The following MYO1B variants were observed in gnomAD, a reference collection of about 807,000 sequenced individuals.
The protein encoded by MYO1B is unconventional myosin-Ib.
In MYO1B, 72 loss-of-function variants were observed where a neutral mutation model predicts 159.7. That is an observed-to-expected ratio of 0.45 (90% CI 0.37 to 0.55). MYO1B has a LOEUF of 0.55. Ranked by LOEUF, MYO1B falls within the 20% of genes least tolerant of loss-of-function variation. The probability of loss-of-function intolerance (pLI) is 0.00; values close to 1 mark genes in which losing one functional copy is unlikely to be tolerated. For missense variants in MYO1B, 1,062 were observed against 1,364.8 expected (o/e 0.78, Z 3.50); for synonymous variants, 468 against 473.8 (o/e 0.99, Z 0.16).
At chr2:191,299,838 A>T (rs1043419092) in intron 3 of MYO1B, among the ~76,000 whole-genome samples, 2 of 152,230 alleles carry the variant, frequency 1.3e-5, no homozygotes, top group African/African-American at 4.8e-5. Flanking sequence ...TGTGAGGGCC[A>T]AATATGTAGT....
chr2:191,246,915 C>G (rs923185325), intron 1 of MYO1B, among the ~76,000 whole-genome samples: 2 of 152,184 alleles, frequency 1.3e-5, no homozygotes, highest in East Asian at 3.9e-4. Flanking sequence ...TCTGTGCTTT[C>G]ACTCTCTGTG....
intron 21 of MYO1B, among the ~76,000 whole-genome samples, chr2:191,398,373 A>G: frequency 9.0e-6 from 1 of 110,910 alleles, no homozygotes; most frequent in Non-Finnish European, 2.1e-5. Flanking sequence ...GCGGCTGGGC[A>G]GAGGAGCCCC....
intron 2 of MYO1B, among the ~76,000 whole-genome samples, chr2:191,292,640 A>G (rs1280728808): frequency 6.6e-6 from 1 of 151,680 alleles, no homozygotes; most frequent in African/African-American, 2.4e-5. Context: ...CTGGAGAGGT[A>G]TAATGAGGCA....
At chr2:191,352,421 C>T (rs904775029) in intron 7 of MYO1B, among the ~76,000 whole-genome samples, 14 of 151,962 alleles carry the variant, frequency 9.2e-5, no homozygotes, top group Admixed American at 5.2e-4. Flanking sequence ...CAATATTACT[C>T]GAGGATTTTA....
At position 191,336,322 on chromosome 2, in the gene MYO1B, G is replaced by C. The variant is rs558647296; in HGVS notation, c.347-5139G>C. On this transcript the variant is annotated intron_variant, in intron 4 of 30. Coordinates refer to ENST00000392318, the MANE Select transcript of MYO1B (RefSeq NM_001130158.3). ...GTGGTTCTCCAACTGGACAGTGACA[G>C]AGATGCCACTGACTTACTGTAGCCT... Among the ~76,000 whole-genome samples, 3 of 151,738 alleles carry C rather than the reference G, an allele frequency of 2.0e-5. No individual in the cohort carries two copies. The South Asian group carries it at 6.2e-4, about 31-fold the overall frequency.
intron 7 of MYO1B, among the ~76,000 whole-genome samples, chr2:191,353,307 A>T (rs1574490819): frequency 6.6e-6 from 1 of 152,322 alleles, no homozygotes; most frequent in East Asian, 1.9e-4. Context: ...GGGATTTTGC[A>T]TCTAGTGTTA....
Position 191,400,899 on chromosome 2 carries a change from A to G in MYO1B, c.2469+64A>G, listed in dbSNP as rs1574616741. On this transcript the variant is annotated intron_variant, in intron 23 of 30. Transcript: ENST00000392318. ...TCTGCAATAATCAGTCCTTACCTCT[A>G]GCCTATTAGGGGATGAATGACTACA... The G allele has an allele frequency of 4.0e-6, 6 of 1,483,406 alleles. No homozygotes were observed. The East Asian group carries it at 9.1e-5, about 22-fold the overall frequency. The allele number at this position is 1,483,406 out of a possible 1,614,324, so 91.9% of individuals were successfully genotyped here. A position where few individuals can be genotyped will look rare whatever the true frequency, so the allele number is the denominator to read the frequency against.
chr2:191,315,195 C>G (rs1349365173), intron 3 of MYO1B, among the ~76,000 whole-genome samples: 1 of 151,996 alleles, frequency 6.6e-6, no homozygotes, highest in Non-Finnish European at 1.5e-5. Flanking sequence ...ATCCATCCAC[C>G]CATCCATCTT....
At chr2:191,398,483 C>T (rs887332830) in intron 21 of MYO1B, among the ~76,000 whole-genome samples, 3 of 149,906 alleles carry the variant, frequency 2.0e-5, no homozygotes, top group Non-Finnish European at 3.0e-5. Flanking sequence ...GGGTGGCTGC[C>T]GGACGGAGGG....
chr2:191,409,498 A>G (rs1697134574), intron 26 of MYO1B, among the ~76,000 whole-genome samples: 1 of 152,232 alleles, frequency 6.6e-6, no homozygotes, highest in Admixed American at 6.5e-5. Context: ...GTCTAAAGGA[A>G]TACTGTAGGA....
chr2:191,300,548 T>C (rs1404632885), intron 3 of MYO1B, among the ~76,000 whole-genome samples: 7 of 151,656 alleles, frequency 4.6e-5, no homozygotes, highest in African/African-American at 1.7e-4. Flanking sequence ...TTCACCATAT[T>C]GGCCAGGCTG....
At chr2:191,416,809 G>A (rs1444804443) in intron 30 of MYO1B, among the ~76,000 whole-genome samples, 1 of 151,512 alleles carries the variant, frequency 6.6e-6, no homozygotes, top group Non-Finnish European at 1.5e-5. Context: ...GTGAGACTCC[G>A]TCTCAGAAAA....
chr2:191,298,225 C>T (rs1229134101), intron 3 of MYO1B, among the ~76,000 whole-genome samples: 1 of 152,218 alleles, frequency 6.6e-6, no homozygotes, highest in East Asian at 1.9e-4. Flanking sequence ...AATAAATCTG[C>T]TGGTATATTT....
At position 191,299,257 on chromosome 2, in the gene MYO1B, C is replaced by T. The variant is rs116603763; in HGVS notation, c.251+3031C>T. Among the ~76,000 whole-genome samples the T allele has an allele frequency of 2.4e-3, 370 of 152,282 alleles. 1 individual carries two copies. The highest frequency in any genetic ancestry group is 8.4e-3 in the African/African-American group (348 of 41,544). Reference sequence around the variant, plus strand: ...CCAAGGAAAAGAACCACCACGAGCACTAAAATAAAATACATTCTCAATGTG... The same window carrying T: ...CCAAGGAAAAGAACCACCACGAGCATTAAAATAAAATACATTCTCAATGTG... On this transcript the variant is annotated intron_variant, in intron 3 of 30. Transcript: ENST00000392318.
chr2:191,285,553 C>G (rs1574338535), intron 2 of MYO1B, among the ~76,000 whole-genome samples: 1 of 152,140 alleles, frequency 6.6e-6, no homozygotes, highest in African/African-American at 2.4e-5. Flanking sequence ...TAGATTCTTT[C>G]CTCAAACTTT....
At chr2:191,386,545 G>A (rs181453524) in intron 16 of MYO1B, among the ~76,000 whole-genome samples, 215 of 151,960 alleles carry the variant, frequency 1.4e-3, no homozygotes, top group Admixed American at 2.5e-3. Context: ...TAATATTTGG[G>A]GGAATTAATT....
chr2:191,358,725 G>T (rs1171335291), intron 7 of MYO1B, among the ~76,000 whole-genome samples: 1 of 152,180 alleles, frequency 6.6e-6, no homozygotes, highest in African/African-American at 2.4e-5. Context: ...TCATTATAAG[G>T]TGCCACTGTA....
intron 4 of MYO1B, among the ~76,000 whole-genome samples, chr2:191,338,666 GT>G (rs1376282292): frequency 2.0e-5 from 3 of 152,170 alleles, no homozygotes; most frequent in Non-Finnish European, 2.9e-5. Flanking sequence ...TGCTAAAGCA[GT>G]TGTCCTCTAA....
chr2:191,320,681 G>A (rs1261480298), intron 3 of MYO1B, among the ~76,000 whole-genome samples: 1 of 151,826 alleles, frequency 6.6e-6, no homozygotes, highest in African/African-American at 2.4e-5. Context: ...CCACAGATTC[G>A]GCCCCCACAT....
Sources: gnomAD v4.1 joint callset for allele counts (sites outside exome capture counted in the v4.1 genomes callset) on GRCh38, gnomAD v4.1.1 for gene constraint, MANE v1.5 for transcripts, NCBI Gene and HGNC (gene_info 2026-07-23, HGNC 2026-07-21) for gene names.